Variants in SLC24A3 observed in about 807,000 individuals in gnomAD.
SLC24A3 encodes solute carrier family 24 member 3, also known as sodium/potassium/calcium exchanger 3.
A neutral mutation model predicts 75.8 loss-of-function variants in SLC24A3; 28 were observed. That is an observed-to-expected ratio of 0.37 (90% CI 0.27 to 0.51). The LOEUF is 0.51. SLC24A3 is among the 20% of genes least tolerant of loss of function. The pLI is 0.94. For missense variants in SLC24A3, 663 were observed against 847.8 expected, an observed-to-expected ratio of 0.78 and a Z score of 2.71; for synonymous variants, 372 against 334.1, an observed-to-expected ratio of 1.11 and a Z score of -1.24.
At chr20:19,605,668 G>T (rs2031587762) in intron 6 of SLC24A3, among the ~76,000 whole-genome samples, 1 of 152,118 alleles carries the variant, frequency 6.6e-6, no homozygotes, top group Admixed American at 6.6e-5. Flanking sequence ...TCTGTTTAGT[G>T]ACCTGATTTT....
At chr20:19,663,136 A>G (rs771137079) in intron 7 of SLC24A3, among the ~76,000 whole-genome samples, 1 of 151,934 alleles carries the variant, frequency 6.6e-6, no homozygotes, top group East Asian at 1.9e-4. Context: ...TGGCCAGATC[A>G]TAGCTCACTG....
chr20:19,661,312 TATAAGACATCCTG>T (rs2032323748), intron 7 of SLC24A3, among the ~76,000 whole-genome samples: 1 of 152,158 alleles, frequency 6.6e-6, no homozygotes, highest in Non-Finnish European at 1.5e-5. Flanking sequence ...CAATCAAGCC[TATAAGACATCCTG>T]AAGTAGGAAT....
intron 3 of SLC24A3, among the ~76,000 whole-genome samples, chr20:19,561,892 G>A (rs535637896): frequency 1.4e-4 from 22 of 152,162 alleles, no homozygotes; most frequent in Non-Finnish European, 2.6e-4. Context: ...CCACAGTATC[G>A]TTACTACCTT....
intron 2 of SLC24A3, among the ~76,000 whole-genome samples, chr20:19,509,752 G>C (rs6112430): frequency 6.6e-6 from 1 of 152,364 alleles, no homozygotes; most frequent in African/African-American, 2.4e-5. Context: ...GGCATCTGCT[G>C]TGTGCACTGC....
chr20:19,428,056 T>C (rs1427865672), intron 2 of SLC24A3, among the ~76,000 whole-genome samples: 9 of 152,226 alleles, frequency 5.9e-5, no homozygotes, highest in Non-Finnish European at 1.2e-4. Flanking sequence ...GTCCAACGTT[T>C]GGTTTGGACT....
chr20:19,334,040 TAA>T (rs10609143), intron 2 of SLC24A3, among the ~76,000 whole-genome samples: 49,869 of 146,810 alleles, frequency 0.34, 8,489 homozygotes, highest in Middle Eastern at 0.42. Flanking sequence ...GAAAAGCTGT[TAA>T]AAAAAAAAAA....
At chr20:19,382,852 C>T (rs901699678) in intron 2 of SLC24A3, among the ~76,000 whole-genome samples, 7 of 151,992 alleles carry the variant, frequency 4.6e-5, no homozygotes, top group Non-Finnish European at 7.4e-5. Context: ...CAGTGTGCTC[C>T]GATATATTCA....
chr20:19,276,741 C>A (rs1014257959), intron 1 of SLC24A3, among the ~76,000 whole-genome samples: 1 of 151,904 alleles, frequency 6.6e-6, no homozygotes, highest in Non-Finnish European at 1.5e-5. Flanking sequence ...TCTGTCTCTA[C>A]AAAAAATAAT....
At chr20:19,378,853 A>G (rs996971383) in intron 2 of SLC24A3, among the ~76,000 whole-genome samples, 6 of 151,886 alleles carry the variant, frequency 4.0e-5, no homozygotes, top group South Asian at 2.1e-4. Flanking sequence ...GACAAATGCA[A>G]TTGGTATCAC....
At chr20:19,331,227 T>G (rs1984990895) in intron 2 of SLC24A3, among the ~76,000 whole-genome samples, 1 of 152,190 alleles carries the variant, frequency 6.6e-6, no homozygotes, top group Non-Finnish European at 1.5e-5. Flanking sequence ...TTGATGAGTG[T>G]GCTGTGGTCA....
intron 2 of SLC24A3, among the ~76,000 whole-genome samples, chr20:19,389,006 G>T (rs1986322836): frequency 6.6e-6 from 1 of 151,496 alleles, no homozygotes; most frequent in Admixed American, 6.6e-5. Context: ...TATCTTTTGT[G>T]ATTTATCTTT....
chr20:19,568,193 C>T (rs1429463491), intron 3 of SLC24A3, among the ~76,000 whole-genome samples: 2 of 152,146 alleles, frequency 1.3e-5, no homozygotes, highest in Non-Finnish European at 2.9e-5. Flanking sequence ...GTTAGGAATG[C>T]AAAATGGTGC....
intron 3 of SLC24A3, among the ~76,000 whole-genome samples, chr20:19,560,508 G>T (rs2030858031): frequency 6.6e-6 from 1 of 152,230 alleles, no homozygotes; most frequent in South Asian, 2.1e-4. Context: ...GAAACTGCCA[G>T]TGTATCTTAA....
intron 1 of SLC24A3, among the ~76,000 whole-genome samples, chr20:19,243,271 G>T (rs1982386170): frequency 6.6e-6 from 1 of 152,176 alleles, no homozygotes; most frequent in Non-Finnish European, 1.5e-5. Flanking sequence ...ATGAGTCTGT[G>T]ACCAGAATAA....
At chr20:19,684,756 C>G (rs2122742362) in intron 11 of SLC24A3, among the ~76,000 whole-genome samples, 1 of 152,282 alleles carries the variant, frequency 6.6e-6, no homozygotes, top group Non-Finnish European at 1.5e-5. Flanking sequence ...CTAGACCAAA[C>G]ACAGTTGTGC....
chr20:19,368,626 G>T (rs1600451292), intron 2 of SLC24A3, among the ~76,000 whole-genome samples: 1 of 152,330 alleles, frequency 6.6e-6, no homozygotes, highest in East Asian at 1.9e-4. Context: ...CATTCCATCT[G>T]CAGTCTCTGG....
intron 13 of SLC24A3, chr20:19,695,411 G>A (rs2032792753): frequency 6.6e-6 from 1 of 152,150 alleles, no homozygotes; most frequent in African/African-American, 2.4e-5. Flanking sequence ...CCACATGCAG[G>A]GAATGTGTCT....
Position 19,274,138 on chromosome 20 carries a change from G to A in SLC24A3, c.143-6821G>A, listed in dbSNP as rs553651332. 5.3e-5 allele frequency among the ~76,000 whole-genome samples: 8 copies of A among 151,468 alleles called. No individual in the cohort carries two copies. In the South Asian group the frequency reaches 1.5e-3, roughly 28 times the overall value. On this transcript the variant is annotated intron_variant, in intron 1 of 16. Transcript: ENST00000328041. Reference sequence around the variant, plus strand: ...TTTCCTCTTGGAGTGGAGGTGTAGCGCCTTGACACTGGTGAGAAATTTACA... The same window carrying A: ...TTTCCTCTTGGAGTGGAGGTGTAGCACCTTGACACTGGTGAGAAATTTACA...
At chr20:19,472,990 G>C (rs1208007798) in intron 2 of SLC24A3, among the ~76,000 whole-genome samples, 6 of 152,202 alleles carry the variant, frequency 3.9e-5, no homozygotes, top group African/African-American at 1.4e-4. Context: ...CTGGCCACTG[G>C]GCACTGGGGT....
Sources: allele counts gnomAD v4.1 joint callset (sites outside exome capture counted in the v4.1 genomes callset), GRCh38; gene constraint gnomAD v4.1.1; transcripts MANE v1.5; gene names NCBI Gene and HGNC (gene_info 2026-07-23, HGNC 2026-07-21).